ZNF804B: variants seen among roughly 807,000 people sequenced by gnomAD.
ZNF804B encodes the protein zinc finger 804B.
In ZNF804B, 80 loss-of-function variants were observed where a neutral mutation model predicts 101.4. The observed-to-expected ratio is 0.79, with a 90% CI of 0.66 to 0.95. The LOEUF is 0.95. Ranked by LOEUF, ZNF804B falls within the 40% of genes least tolerant of loss-of-function variation. ZNF804B has a pLI of 0.00. For synonymous variants in ZNF804B, 622 were observed against 558.8 expected (o/e 1.11, Z -1.59); for missense variants, 1,673 against 1,561.9 (o/e 1.07, Z -1.20).
intron 1 of ZNF804B, among the ~76,000 whole-genome samples, chr7:89,193,475 A>G (rs909907528): frequency 1.3e-5 from 1 of 74,132 alleles, no homozygotes; most frequent in Non-Finnish European, 2.5e-5. Context: ...CCCCCACCCC[A>G]CAACAGTCCC....
chr7:88,848,022 A>G (rs927726140), intron 1 of ZNF804B, among the ~76,000 whole-genome samples: 1 of 152,192 alleles, frequency 6.6e-6, no homozygotes, highest in African/African-American at 2.4e-5. Context: ...AATGGTTTCC[A>G]ATCAGAAGTG....
rs1375759571 is a variant in ZNF804B at position 89,298,166 on chromosome 7, T to G, written c.250-29178T>G. Among the ~76,000 whole-genome samples the G allele has an allele frequency of 2.3e-5, 3 of 132,922 alleles. No homozygotes were observed. The South Asian group carries it at 7.0e-4, about 31-fold the overall frequency. 87.2% of individuals were successfully genotyped at this position (132,922 alleles called of 152,430 possible). A position where few individuals can be genotyped will look rare whatever the true frequency, so the allele number is the denominator to read the frequency against. On this transcript the variant is annotated intron_variant, in intron 2 of 3. Coordinates refer to ENST00000333190, the MANE Select transcript of ZNF804B (RefSeq NM_181646.5). ...ATCATATATATAGTATATATATATA[T>G]TTCATATATATATAGTGTGTATATA...
intron 2 of ZNF804B, among the ~76,000 whole-genome samples, chr7:89,292,663 C>T (rs1387638455): frequency 1.3e-5 from 2 of 151,508 alleles, no homozygotes; most frequent in African/African-American, 4.8e-5. Flanking sequence ...ACAAAACAAC[C>T]AGAAAACAAA....
rs1389119045 is a variant in ZNF804B, at chr7:88,864,174, C to T, written c.108+104090C>T. Among the ~76,000 whole-genome samples, 5 of 152,030 alleles carry T rather than the reference C, an allele frequency of 3.3e-5. No homozygotes were observed. The East Asian group carries it at 9.6e-4, about 29-fold the overall frequency. On this transcript the variant is annotated intron_variant, in intron 1 of 3. Transcript: ENST00000333190. The stretch of plus-strand genomic sequence containing the variant: ...TTCTCGTATTTGTTTGTTTTTATAC[C>T]TCTCACTTCTAACAATGTCTTGAGA...
chr7:88,923,139 G>A (rs1792748872), intron 1 of ZNF804B, among the ~76,000 whole-genome samples: 1 of 152,010 alleles, frequency 6.6e-6, no homozygotes, highest in Non-Finnish European at 1.5e-5. Context: ...CAGGCTTTCT[G>A]GTATGGCATT....
At chr7:88,801,942 GC>G (rs1790597567) in intron 1 of ZNF804B, among the ~76,000 whole-genome samples, 1 of 152,036 alleles carries the variant, frequency 6.6e-6, no homozygotes, top group South Asian at 2.1e-4. Context: ...TGGCTGTGTG[GC>G]CCCACCCAAA....
intron 1 of ZNF804B, among the ~76,000 whole-genome samples, chr7:89,015,332 A>C (rs1387996863): frequency 6.7e-6 from 1 of 148,996 alleles, no homozygotes; most frequent in African/African-American, 2.5e-5. Context: ...TTTTATTTTT[A>C]TTTTATTTAA....
At chr7:89,231,582 A>T (rs528503897) in intron 2 of ZNF804B, among the ~76,000 whole-genome samples, 3 of 151,988 alleles carry the variant, frequency 2.0e-5, no homozygotes, top group Non-Finnish European at 4.4e-5. Context: ...TTATACATAT[A>T]TGTCTCTGTT....
chr7:88,767,101 C>CT (rs1562788142), intron 1 of ZNF804B, among the ~76,000 whole-genome samples: 1 of 152,104 alleles, frequency 6.6e-6, no homozygotes, highest in Non-Finnish European at 1.5e-5. Context: ...TTTTCAGCAT[C>CT]TTTTTTTGGT....
chr7:89,056,192 T>C (rs190669362), intron 1 of ZNF804B, among the ~76,000 whole-genome samples: 86 of 152,154 alleles, frequency 5.7e-4, no homozygotes, highest in African/African-American at 2.0e-3. Context: ...ATAAGTGGGT[T>C]TGTGAACTTT....
chr7:88,853,882 A>C (rs1791482499), intron 1 of ZNF804B, among the ~76,000 whole-genome samples: 1 of 152,160 alleles, frequency 6.6e-6, no homozygotes, highest in Non-Finnish European at 1.5e-5. Flanking sequence ...AGCATGCATA[A>C]GGACTTAATA....
chr7:89,123,159 T>C (rs1240604009), intron 1 of ZNF804B, among the ~76,000 whole-genome samples: 1 of 14,316 alleles, frequency 7.0e-5, no homozygotes, highest in African/African-American at 5.9e-4. Flanking sequence ...AAGTTCAGCT[T>C]TTTTTTTTTT....
At chr7:89,016,799 T>C (rs1415722305) in intron 1 of ZNF804B, among the ~76,000 whole-genome samples, 1 of 152,182 alleles carries the variant, frequency 6.6e-6, no homozygotes, top group Non-Finnish European at 1.5e-5. Flanking sequence ...TCTTTTAGCT[T>C]AGATTGACTT....
chr7:88,788,568 T>C (rs1790336116), intron 1 of ZNF804B, among the ~76,000 whole-genome samples: 1 of 152,182 alleles, frequency 6.6e-6, no homozygotes, highest in African/African-American at 2.4e-5. Context: ...TCATTTTCTC[T>C]ATTTGTTTAT....
intron 2 of ZNF804B, among the ~76,000 whole-genome samples, chr7:89,268,443 T>G (rs17168039): frequency 0.12 from 18,557 of 152,156 alleles, 1,213 homozygotes; most frequent in Middle Eastern, 0.26. Flanking sequence ...CTTCTCTGCT[T>G]TCCAACAACA....
intron 1 of ZNF804B, among the ~76,000 whole-genome samples, chr7:89,108,549 A>G (rs931433687): frequency 6.6e-6 from 1 of 152,184 alleles, no homozygotes; most frequent in Non-Finnish European, 1.5e-5. Flanking sequence ...ACAATCTCAC[A>G]GGTCATCTCT....
chr7:89,288,720 C>T (rs1790241948), intron 2 of ZNF804B, among the ~76,000 whole-genome samples: 2 of 152,216 alleles, frequency 1.3e-5, no homozygotes, highest in Non-Finnish European at 2.9e-5. Context: ...GGATTTTCGG[C>T]AGCCCACATG....
chr7:89,078,679 ATTTTCTAACTAAGAT>A (rs761194131), intron 1 of ZNF804B, among the ~76,000 whole-genome samples: 35 of 147,582 alleles, frequency 2.4e-4, no homozygotes, highest in Non-Finnish European at 4.3e-4. Flanking sequence ...TCTCTTACAT[ATTTTCTAACTAAGAT>A]TTTTCTATTG....
chr7:89,225,122 T>C (rs1202866378), intron 2 of ZNF804B, among the ~76,000 whole-genome samples: 8 of 152,106 alleles, frequency 5.3e-5, no homozygotes, highest in Non-Finnish European at 8.8e-5. Context: ...CAGTAGGACA[T>C]TTCCCTTTTA....
Sources: allele counts gnomAD v4.1 joint callset (sites outside exome capture counted in the v4.1 genomes callset), GRCh38; gene constraint gnomAD v4.1.1; transcripts MANE v1.5; gene names NCBI Gene and HGNC (gene_info 2026-07-23, HGNC 2026-07-21).